SLC44A1: variants seen among roughly 807,000 people sequenced by gnomAD.
SLC44A1 encodes choline transporter-like protein 1.
SLC44A1 carries 26 observed loss-of-function variants against 79.3 expected under a neutral mutation model. The observed-to-expected ratio is 0.33, with a 90% confidence interval of 0.24 to 0.46. The LOEUF (loss-of-function observed/expected upper bound fraction) is 0.46, where lower values mean the gene tolerates loss of function less well. SLC44A1 is among the 20% of genes least tolerant of loss of function. SLC44A1 has a pLI of 1.00. For synonymous variants in SLC44A1, 263 were observed against 286.2 expected (o/e 0.92, Z 0.82); for missense variants, 688 against 798.1 (o/e 0.86, Z 1.66).
At chr9:105,335,124 A>G (rs897412566) in intron 3 of SLC44A1, among the ~76,000 whole-genome samples, 2 of 152,078 alleles carry the variant, frequency 1.3e-5, no homozygotes, top group Admixed American at 6.5e-5. Flanking sequence ...AATTCTGTTC[A>G]TATGAATTAT....
rs1004503983 is a variant in SLC44A1, at chr9:105,272,022, A to T, written c.36+27118A>T. Among the ~76,000 whole-genome samples the T allele has an allele frequency of 3.3e-5, 5 of 152,344 alleles. 1 individual carries two copies. The East Asian group carries it at 5.8e-4, about 18-fold the overall frequency. On this transcript the variant is annotated intron_variant, in intron 1 of 15. Coordinates refer to ENST00000374720, the MANE Select transcript of SLC44A1 (RefSeq NM_080546.5). ...ATTATTTTGTTATGTTTTACATACT[A>T]GTTGAAAGCAAGAGTCTGTTTTTAT... is the stretch of plus-strand genomic sequence containing the variant.
At chr9:105,294,263 G>T (rs1043370652) in intron 1 of SLC44A1, among the ~76,000 whole-genome samples, 7 of 152,028 alleles carry the variant, frequency 4.6e-5, no homozygotes, top group African/African-American at 1.7e-4. Flanking sequence ...AGCCATTTTT[G>T]GAAATCTTTT....
chr9:105,268,848 A>G (rs1055738718), intron 1 of SLC44A1, among the ~76,000 whole-genome samples: 7 of 152,212 alleles, frequency 4.6e-5, no homozygotes, highest in Non-Finnish European at 1.0e-4. Flanking sequence ...TAAAGTAGAT[A>G]TAGGTAGTCC....
At chr9:105,339,371 A>G (rs1827019739) in intron 4 of SLC44A1, among the ~76,000 whole-genome samples, 1 of 152,200 alleles carries the variant, frequency 6.6e-6, no homozygotes, top group Non-Finnish European at 1.5e-5. Context: ...TTAAAGATAA[A>G]ATTAGCATAT....
chr9:105,274,514 C>G (rs547926180), intron 1 of SLC44A1, among the ~76,000 whole-genome samples: 1 of 152,308 alleles, frequency 6.6e-6, no homozygotes, highest in African/African-American at 2.4e-5. Flanking sequence ...ACACTGACCA[C>G]CTCCTTCTCT....
chr9:105,392,181 T>C lies in SLC44A1; in HGVS notation c.*3125T>C. On this transcript the variant is annotated 3_prime_UTR_variant, in exon 16 of 16. Transcript: ENST00000374720. ...GATGAGCAGAGCTCAAAGCCAGTTG[T>C]TCCTTTAAAGCATTTAATGCAATGG... 5.1e-6 allele frequency: 5 copies of C among 985,084 alleles called. No homozygotes were observed. The highest frequency in any genetic ancestry group is 6.0e-6 in the Non-Finnish European group (5 of 829,586). The allele number at this position is 985,084 out of a possible 1,614,324, so 61.0% of individuals were successfully genotyped here.
intron 6 of SLC44A1, among the ~76,000 whole-genome samples, chr9:105,357,859 C>A (rs942197461): frequency 6.6e-6 from 1 of 152,174 alleles, no homozygotes; most frequent in Admixed American, 6.5e-5. Flanking sequence ...GATAAGATGC[C>A]ATTTAGCTTC....
At chr9:105,278,685 T>C (rs1461170757) in intron 1 of SLC44A1, among the ~76,000 whole-genome samples, 1 of 152,216 alleles carries the variant, frequency 6.6e-6, no homozygotes, top group African/African-American at 2.4e-5. Context: ...CTGGCTGTAT[T>C]TGCAGCTTTC....
At chr9:105,321,638 G>A (rs71494519) in intron 3 of SLC44A1, among the ~76,000 whole-genome samples, 2,200 of 152,160 alleles carry the variant, frequency 0.014, 18 homozygotes, top group Admixed American at 0.017. Context: ...CAACAAAAAC[G>A]TATCTTGAAA....
intron 15 of SLC44A1, among the ~76,000 whole-genome samples, chr9:105,425,510 AC>A (rs1014937561): frequency 5.7e-4 from 87 of 152,282 alleles, no homozygotes; most frequent in Admixed American, 2.4e-3. Flanking sequence ...CTGAGGAAGA[AC>A]ATTCTAGGCA....
At chr9:105,420,861 CAAAAAAAAAAAAAAAA>C (rs34053627) in intron 15 of SLC44A1, among the ~76,000 whole-genome samples, 4 of 12,470 alleles carry the variant, frequency 3.2e-4, no homozygotes, top group Admixed American at 1.1e-3. Flanking sequence ...AACTCCATCT[CAAAAAAAAAAAAAAAA>C]AAAAAAAAAA....
Position 105,299,819 on chromosome 9 carries a change from A to G in SLC44A1, c.126+510A>G, listed in dbSNP as rs955844716. ...GATGAAGGGACCTGGTGGTTTTCCA[A>G]CGGCCCCTGCTGCCTGCTGTGTCTG... is the stretch of plus-strand genomic sequence containing the variant. On this transcript the variant is annotated intron_variant, in intron 2 of 15. Transcript: ENST00000374720. 33 of 986,156 alleles carry G rather than the reference A, an allele frequency of 3.3e-5. No homozygotes were observed. The African/African-American group carries it at 4.7e-4, about 14-fold the overall frequency. 61.1% of individuals were successfully genotyped at this position (986,156 alleles called of 1,614,324 possible). A position where few individuals can be genotyped will look rare whatever the true frequency, so the allele number is the denominator to read the frequency against.
intron 1 of SLC44A1, among the ~76,000 whole-genome samples, chr9:105,297,569 G>C (rs920479401): frequency 6.6e-6 from 1 of 152,078 alleles, no homozygotes; most frequent in African/African-American, 2.4e-5. Context: ...TTTTAGTAGA[G>C]ACGGGGTTTC....
chr9:105,394,570 C>A lies in SLC44A1; in HGVS notation c.*5514C>A, dbSNP rs1195435515. On this transcript the variant is annotated 3_prime_UTR_variant, in exon 16 of 16. Coordinates refer to ENST00000374720, the MANE Select transcript of SLC44A1 (RefSeq NM_080546.5). ...GAATCCTTGTAATTAATCCATCTAC[C>A]AAAACACTTGATTCTTTTTATTGTA... 2 of 984,636 alleles carry A rather than the reference C, an allele frequency of 2.0e-6. No homozygotes were observed. Among genetic ancestry groups the A allele is most frequent in the Non-Finnish European group, 2.4e-6 (2 of 829,776 alleles). The allele number at this position is 984,636 out of a possible 1,614,324, so 61.0% of individuals were successfully genotyped here. A position where few individuals can be genotyped will look rare whatever the true frequency, so the allele number is the denominator to read the frequency against.
chr9:105,358,338 C>T lies in SLC44A1; in HGVS notation c.671-6C>T, dbSNP rs752345280. The stretch of plus-strand genomic sequence containing the variant: ...ATATTCTATATGTTCTCTATCTTCC[C>T]TGCAGTTCTATCCATGATTTTGATG... On this transcript the variant is annotated splice_polypyrimidine_tract_variant and splice_region_variant and intron_variant, in intron 6 of 15. Coordinates refer to ENST00000374720, the MANE Select transcript of SLC44A1 (RefSeq NM_080546.5). 3.4e-6 allele frequency: 5 copies of T among 1,458,898 alleles called. No individual in the cohort carries two copies. Among genetic ancestry groups the T allele is most frequent in the South Asian group, 1.2e-5 (1 of 86,502 alleles). The allele number at this position is 1,458,898 out of a possible 1,614,324, so 90.4% of individuals were successfully genotyped here.
chr9:105,374,889 G>C (rs1000494244), intron 13 of SLC44A1, among the ~76,000 whole-genome samples, 154 bp downstream of exon 13: 5 of 152,176 alleles, frequency 3.3e-5, no homozygotes, highest in African/African-American at 1.2e-4. Context: ...ATTGTGATAA[G>C]TACTTGACAT....
At chr9:105,331,516 T>C (rs889682290) in intron 3 of SLC44A1, among the ~76,000 whole-genome samples, 1 of 151,500 alleles carries the variant, frequency 6.6e-6, no homozygotes, top group Non-Finnish European at 1.5e-5. Flanking sequence ...ACTGAAAAAC[T>C]AATGTAAGCA....
intron 3 of SLC44A1, among the ~76,000 whole-genome samples, chr9:105,330,490 T>TA (rs1475767965): frequency 6.6e-6 from 1 of 151,536 alleles, no homozygotes. Context: ...AACAGAAGTT[T>TA]AAACCAGTTT....
chr9:105,380,344 G>A (rs1474898694), intron 13 of SLC44A1, among the ~76,000 whole-genome samples: 2 of 151,926 alleles, frequency 1.3e-5, no homozygotes, highest in Admixed American at 6.6e-5. Context: ...GAACAGGAAC[G>A]TCTATTTTTT....
Sources: allele counts gnomAD v4.1 joint callset (sites outside exome capture counted in the v4.1 genomes callset), GRCh38; gene constraint gnomAD v4.1.1; transcripts MANE v1.5; gene names NCBI Gene and HGNC (gene_info 2026-07-23, HGNC 2026-07-21).